E2F3: variants seen among roughly 807,000 people sequenced by gnomAD.
E2F3 encodes the protein E2F transcription factor 3, also known as transcription factor E2F3.
A neutral mutation model predicts 44.4 loss-of-function variants in E2F3; 11 were observed. The ratio of observed to expected loss-of-function variants is 0.25; its 90% CI spans 0.16 to 0.41. E2F3 has a LOEUF of 0.41. E2F3 is among the 10% of genes least tolerant of loss of function. The pLI is 1.00. For missense variants in E2F3, 487 were observed against 583.6 expected (o/e 0.83, Z 1.70); for synonymous variants, 249 against 253.0 (o/e 0.98, Z 0.15).
At chr6:20,442,827 G>A (rs975906030) in intron 1 of E2F3, among the ~76,000 whole-genome samples, 4 of 151,934 alleles carry the variant, frequency 2.6e-5, no homozygotes, top group African/African-American at 4.8e-5. Context: ...AAAATTGGCC[G>A]GGCATGGTGG....
chr6:20,445,462 A>T (rs1760912304), intron 1 of E2F3, among the ~76,000 whole-genome samples: 1 of 152,090 alleles, frequency 6.6e-6, no homozygotes, highest in Non-Finnish European at 1.5e-5. Context: ...CTGGTCTCGA[A>T]TTCCTGACCT....
intron 1 of E2F3, among the ~76,000 whole-genome samples, chr6:20,431,793 C>T (rs573251166): frequency 6.6e-6 from 1 of 152,294 alleles, no homozygotes; most frequent in East Asian, 1.9e-4. Flanking sequence ...ATTTAGACAC[C>T]TATTACATTA....
At position 20,426,757 on chromosome 6, in the gene E2F3, T is replaced by A. The variant is rs552842141; in HGVS notation, c.393+24132T>A. ...TGAACTCTGCCTGCTCTGTTAGCAG[T>A]TTTTCTCTACATTTCTTTTAAAATA... On this transcript the variant is annotated intron_variant, in intron 1 of 6. Coordinates refer to ENST00000346618, the MANE Select transcript of E2F3 (RefSeq NM_001949.5). 2.6e-5 allele frequency among the ~76,000 whole-genome samples: 4 copies of A among 152,300 alleles called. No individual in the cohort carries two copies. The East Asian group carries it at 5.8e-4, about 22-fold the overall frequency.
chr6:20,447,352 G>A (rs1326286019), intron 1 of E2F3, among the ~76,000 whole-genome samples: 2 of 151,866 alleles, frequency 1.3e-5, no homozygotes, highest in African/African-American at 2.4e-5. Context: ...GAGAGAGAGA[G>A]AGAGAAAGAG....
intron 1 of E2F3, among the ~76,000 whole-genome samples, chr6:20,411,488 A>T (rs908265280): frequency 6.6e-6 from 1 of 152,146 alleles, no homozygotes; most frequent in South Asian, 2.1e-4. Flanking sequence ...AGAAGGAAGC[A>T]GACTTGCCAC....
At chr6:20,443,514 C>T (rs1211357847) in intron 1 of E2F3, among the ~76,000 whole-genome samples, 1 of 152,060 alleles carries the variant, frequency 6.6e-6, no homozygotes, top group Non-Finnish European at 1.5e-5. Context: ...CTGAGGTGGG[C>T]TGATTGGTTG....
At chr6:20,466,259 C>T (rs1449859589) in intron 1 of E2F3, among the ~76,000 whole-genome samples, 1 of 152,082 alleles carries the variant, frequency 6.6e-6, no homozygotes, top group Non-Finnish European at 1.5e-5. Context: ...ACTACTCATG[C>T]ACACCACCAC....
chr6:20,434,972 G>C (rs1413336706), intron 1 of E2F3, among the ~76,000 whole-genome samples: 1 of 152,228 alleles, frequency 6.6e-6, no homozygotes, highest in African/African-American at 2.4e-5. Flanking sequence ...GGAACATGGC[G>C]CCAGGGCCGA....
At chr6:20,441,192 A>G (rs1422413709) in intron 1 of E2F3, among the ~76,000 whole-genome samples, 1 of 152,168 alleles carries the variant, frequency 6.6e-6, no homozygotes, top group Non-Finnish European at 1.5e-5. Flanking sequence ...GGTAAGCTCT[A>G]TTCTACTTTC....
At position 20,435,623 on chromosome 6, in the gene E2F3, C is replaced by T. The variant is rs920252775; in HGVS notation, c.393+32998C>T. 1.1e-4 allele frequency among the ~76,000 whole-genome samples: 17 copies of T among 152,120 alleles called. No homozygotes were observed. In the East Asian group the frequency reaches 2.2e-3, roughly 19 times the overall value. ...AACATTAGCTGGGTGTGGTGGCGCACGCCTGTAGTCCCAGCTACTTGGGAG... is the reference window on the plus strand; with the variant it reads ...AACATTAGCTGGGTGTGGTGGCGCATGCCTGTAGTCCCAGCTACTTGGGAG... On this transcript the variant is annotated intron_variant, in intron 1 of 6. Transcript: ENST00000346618.
Position 20,486,769 on chromosome 6 carries a change from C to A in E2F3, c.965C>A (p.Pro322Gln). Reference protein sequence around the residue: ...DQTVIVVKAPPETRLEVPDSI... With the variant: ...DQTVIVVKAPQETRLEVPDSI... Reference sequence around the variant, plus strand: ...ACTGTTATAGTTGTGAAAGCCCCTCCAGAAACAAGACTTGAAGTGCCTGAC... The same window carrying A: ...ACTGTTATAGTTGTGAAAGCCCCTCAAGAAACAAGACTTGAAGTGCCTGAC... The change falls in exon 5 of 7, where the codon CCA (proline) becomes CAA (glutamine). Residue 322 changes from proline (P) to glutamine (Q), a missense_variant. By Grantham distance (76) the Pro-to-Gln change is moderately conservative. Coordinates refer to ENST00000346618, the MANE Select transcript of E2F3 (RefSeq NM_001949.5). The A allele has an allele frequency of 6.2e-7, 1 of 1,613,424 alleles. No individual in the cohort carries two copies. The highest frequency in any genetic ancestry group is 8.5e-7 in the Non-Finnish European group (1 of 1,179,768).
intron 3 of E2F3, 22 bp downstream of exon 3, chr6:20,481,447 G>GC: frequency 1.2e-6 from 2 of 1,610,472 alleles, no homozygotes; most frequent in Non-Finnish European, 1.7e-6. Flanking sequence ...TCCTCCCCAT[G>GC]CCCCGGCTCT....
At chr6:20,403,820 C>A in intron 1 of E2F3, 1 of 1,498,804 alleles carries the variant, frequency 6.7e-7, no homozygotes, top group Non-Finnish European at 8.9e-7. Context: ...CGGAAATGCC[C>A]TTACAGCAGC....
intron 1 of E2F3, among the ~76,000 whole-genome samples, chr6:20,437,606 T>A (rs1182554364): frequency 2.6e-5 from 4 of 152,216 alleles, no homozygotes; most frequent in Non-Finnish European, 5.9e-5. Context: ...CCAAAGTTGG[T>A]AAAATGCATT....
At chr6:20,477,855 T>A (rs1762096491) in intron 1 of E2F3, among the ~76,000 whole-genome samples, 1 of 152,152 alleles carries the variant, frequency 6.6e-6, no homozygotes. Flanking sequence ...TTGGTCTTAC[T>A]GTCTCAGGGA....
intron 1 of E2F3, among the ~76,000 whole-genome samples, chr6:20,419,638 A>T (rs893914446): frequency 2.2e-5 from 3 of 136,304 alleles, no homozygotes; most frequent in African/African-American, 8.3e-5. Flanking sequence ...ATCTGGGCTC[A>T]CTGCAACCTC....
At chr6:20,452,318 T>C (rs1561867487) in intron 1 of E2F3, 1 of 152,154 alleles carries the variant, frequency 6.6e-6, no homozygotes, top group Non-Finnish European at 1.5e-5. Context: ...TCCATTTCTT[T>C]TGGATTTTAT....
At chr6:20,442,551 A>C (rs1760811723) in intron 1 of E2F3, among the ~76,000 whole-genome samples, 1 of 152,368 alleles carries the variant, frequency 6.6e-6, no homozygotes, top group South Asian at 2.1e-4. Flanking sequence ...AATTATTTGA[A>C]GTACTTTTAA....
intron 1 of E2F3, chr6:20,403,688 CTCCCTCTCCTCT>C: frequency 6.7e-6 from 4 of 593,010 alleles, no homozygotes; most frequent in Non-Finnish European, 8.5e-6. Flanking sequence ...CACCGCCACC[CTCCCTCTCCTCT>C]CCCCACCCCC....
Sources: gnomAD v4.1 joint callset for allele counts (sites outside exome capture counted in the v4.1 genomes callset) on GRCh38, gnomAD v4.1.1 for gene constraint, MANE v1.5 for transcripts, NCBI Gene and HGNC (gene_info 2026-07-23, HGNC 2026-07-21) for gene names.